OR9Q2: variants seen among roughly 807,000 people sequenced by gnomAD.
The protein encoded by OR9Q2 is olfactory receptor 9Q2.
Under a neutral mutation model 2.3 loss-of-function variants are expected in OR9Q2, and 2 were observed. That is an observed-to-expected ratio of 0.85 (90% CI 0.35 to 2.68). The LOEUF is 2.68. OR9Q2 is among the 30% of genes most tolerant of loss of function. The pLI, the probability that OR9Q2 is intolerant of heterozygous loss-of-function variation, is 0.10. For synonymous variants in OR9Q2, 178 were observed against 158.6 expected (o/e 1.12, Z -0.92); for missense variants, 404 against 395.7 (o/e 1.02, Z -0.18).
At position 58,192,641 on chromosome 11, in the gene OR9Q2, A is replaced by T. The variant is rs1311221361; in HGVS notation, c.*1206A>T. The T allele has an allele frequency of 1.3e-5, 2 of 152,112 alleles. No individual in the cohort carries two copies. The highest frequency in any genetic ancestry group is 3.9e-4 in the East Asian group (2 of 5,192). The allele number at this position is 152,112 out of a possible 1,614,324, so 9.4% of individuals were successfully genotyped here. A position where few individuals can be genotyped will look rare whatever the true frequency, so the allele number is the denominator to read the frequency against. Reference sequence around the variant, plus strand: ...GAAGTGTGTAAACAGCAACTTCTGAATTTGAGGAATGTTTGTTTTAAGGAG... The same window carrying T: ...GAAGTGTGTAAACAGCAACTTCTGATTTTGAGGAATGTTTGTTTTAAGGAG... On this transcript the variant is annotated 3_prime_UTR_variant, in exon 2 of 2. Transcript: ENST00000641291.
chr11:58,190,368 G>A lies in OR9Q2; in HGVS notation c.-123G>A, dbSNP rs1854746103. 1 of 655,964 alleles carries A rather than the reference G, an allele frequency of 1.5e-6. No homozygotes were observed. Among genetic ancestry groups the A allele is most frequent in the East Asian group, 2.6e-5 (1 of 38,178 alleles). The allele number at this position is 655,964 out of a possible 1,614,324, so 40.6% of individuals were successfully genotyped here. On this transcript the variant is annotated 5_prime_UTR_variant, in exon 2 of 2. Coordinates refer to ENST00000641291, the MANE Select transcript of OR9Q2 (RefSeq NM_001005283.3). ...ATCTTCGACTGAAAAGTGTGTTGAA[G>A]TTGAGTGCCGACATGTAAGACATTC...
At chr11:58,189,143 C>G (rs1310592795) in intron 1 of OR9Q2, 35 bp downstream of exon 1, 1 of 152,062 alleles carries the variant, frequency 6.6e-6, no homozygotes, top group Non-Finnish European at 1.5e-5. Context: ...ACACTAGTGT[C>G]AGGGATATAT....
chr11:58,190,441 T>C lies in OR9Q2; in HGVS notation c.-50T>C, dbSNP rs776622199. ...AATCATTTGAACTCCTCTTGAGCTG[T>C]CCCCTCATCTGGCTCTTGTCTTAGC... is the stretch of plus-strand genomic sequence containing the variant. On this transcript the variant is annotated 5_prime_UTR_variant, in exon 2 of 2. Transcript: ENST00000641291. The C allele has an allele frequency of 2.4e-6, 3 of 1,264,050 alleles. No homozygotes were observed. In the Admixed American group the frequency reaches 5.3e-5, roughly 22 times the overall value. 78.3% of individuals were successfully genotyped at this position (1,264,050 alleles called of 1,614,324 possible).
In OR9Q2 at chr11:58,190,407, G is replaced by C; in HGVS notation, c.-84G>C. On this transcript the variant is annotated 5_prime_UTR_variant, in exon 2 of 2. Transcript: ENST00000641291. Reference sequence around the variant, plus strand: ...TGTAAGACATTCAATTTAAAGCTTTGTTACTTGAAATCATTTGAACTCCTC... The same window carrying C: ...TGTAAGACATTCAATTTAAAGCTTTCTTACTTGAAATCATTTGAACTCCTC... The C allele has an allele frequency of 1.1e-6, 1 of 887,770 alleles. No homozygotes were observed. Among genetic ancestry groups the C allele is most frequent in the Non-Finnish European group, 1.8e-6 (1 of 557,850 alleles). 55.0% of individuals were successfully genotyped at this position (887,770 alleles called of 1,614,324 possible).
At chr11:58,189,879 A>T (rs1260010797) in intron 1 of OR9Q2, among the ~76,000 whole-genome samples, 2 of 152,192 alleles carry the variant, frequency 1.3e-5, no homozygotes, top group East Asian at 3.9e-4. Context: ...TCTAATTAGG[A>T]TAACAGCTGT....
chr11:58,189,390 G>A (rs367712760), intron 1 of OR9Q2, among the ~76,000 whole-genome samples: 1 of 152,174 alleles, frequency 6.6e-6, no homozygotes, highest in Non-Finnish European at 1.5e-5. Flanking sequence ...GGCTTGGCAG[G>A]TGATGGGCAG....
rs1854746552 is a variant in OR9Q2 at position 58,190,410 on chromosome 11, A to T, written c.-81A>T. 2 of 902,338 alleles carry T rather than the reference A, an allele frequency of 2.2e-6. No individual in the cohort carries two copies. The highest frequency in any genetic ancestry group is 3.2e-5 in the South Asian group (2 of 63,350). The allele number at this position is 902,338 out of a possible 1,614,324, so 55.9% of individuals were successfully genotyped here. A position where few individuals can be genotyped will look rare whatever the true frequency, so the allele number is the denominator to read the frequency against. On this transcript the variant is annotated 5_prime_UTR_variant, in exon 2 of 2. Transcript: ENST00000641291. ...AAGACATTCAATTTAAAGCTTTGTT[A>T]CTTGAAATCATTTGAACTCCTCTTG...
chr11:58,193,324 T>G lies in OR9Q2; in HGVS notation c.*1889T>G, dbSNP rs539281058. ...AACCTGGACATTTCCAGGAGTCAAG[T>G]TCTCAAATAATTTTTTAACTTAATT... On this transcript the variant is annotated 3_prime_UTR_variant, in exon 2 of 2. Transcript: ENST00000641291. 6.6e-6 allele frequency: 1 copy of G among 152,230 alleles called. No individual in the cohort carries two copies. The allele number at this position is 152,230 out of a possible 1,614,324, so 9.4% of individuals were successfully genotyped here.
chr11:58,190,631 C>T lies in OR9Q2; in HGVS notation c.141C>T (p.Leu47=), dbSNP rs199739969. ...ATMLGNTGMI[L]LIRGDRRLHT... is the part of the protein sequence containing the mutation. ...TGTTAGGGAACACAGGCATGATCCT[C>T]CTGATCCGTGGCGATCGTCGGCTCC... The change falls in exon 2 of 2, where the codon CTC becomes CTT. Residue 47 remains leucine, a synonymous_variant. Transcript: ENST00000641291. 5 of 1,614,168 alleles carry T rather than the reference C, an allele frequency of 3.1e-6. No individual in the cohort carries two copies. The Admixed American group carries it at 8.3e-5, about 27-fold the overall frequency.
rs149010357 is a variant in OR9Q2 at position 58,190,731 on chromosome 11, A to T, written c.241A>T (p.Met81Leu). 72 of 1,614,170 alleles carry T rather than the reference A, an allele frequency of 4.5e-5. No individual in the cohort carries two copies. In the African/African-American group the frequency reaches 8.4e-4, roughly 19 times the overall value. Residue 81 changes from methionine to leucine, a missense_variant, in exon 2 of 2, where the codon ATG becomes TTG. By Grantham distance (15) the Met-to-Leu change is conservative. Transcript: ENST00000641291. The stretch of plus-strand genomic sequence containing the variant: ...CTACTCGTCCGCCATCATCCCTCAG[A>T]TGCTGGCTGTGCTGTGGGAGCACGG... ...ICYSSAIIPQ[M>L]LAVLWEHGTT...
In OR9Q2 at chr11:58,193,878, A is replaced by C. The variant is rs117194858; in HGVS notation, c.*2443A>C. ...GTATTGCCTTCAAAGCCCTTCCAGA[A>C]TATCTCTTGGCTCAGAGTGCTTCAA... On this transcript the variant is annotated 3_prime_UTR_variant, in exon 2 of 2. Coordinates refer to ENST00000641291, the MANE Select transcript of OR9Q2 (RefSeq NM_001005283.3). 6.6e-6 allele frequency: 1 copy of C among 152,166 alleles called. No homozygotes were observed. Among genetic ancestry groups the C allele is most frequent in the Non-Finnish European group, 1.5e-5 (1 of 68,030 alleles). The allele number at this position is 152,166 out of a possible 1,614,324, so 9.4% of individuals were successfully genotyped here.
chr11:58,190,989 T>A lies in OR9Q2; in HGVS notation c.499T>A (p.Ser167Thr). Reference sequence around the variant, plus strand: ...TCGAACGGTCACAGCCTTCACTCTCTCCTTTTGTGGAAACAATGAGATCAA... The same window carrying A: ...TCGAACGGTCACAGCCTTCACTCTCACCTTTTGTGGAAACAATGAGATCAA... ...FVRTVTAFTL[S>T]FCGNNEINFI... Residue 167 changes from serine to threonine, a missense_variant, in exon 2 of 2, where the codon TCC (serine) becomes ACC (threonine). Physicochemically the swap from Ser to Thr is moderately conservative, Grantham distance 58. Coordinates refer to ENST00000641291, the MANE Select transcript of OR9Q2 (RefSeq NM_001005283.3). The A allele has an allele frequency of 6.2e-7, 1 of 1,614,192 alleles. No individual in the cohort carries two copies. Among genetic ancestry groups the A allele is most frequent in the Non-Finnish European group, 8.5e-7 (1 of 1,180,026 alleles).
rs777491426 is a variant in OR9Q2, at chr11:58,190,932, G to A, written c.442G>A (p.Ala148Thr). Residue 148 changes from alanine (A) to threonine (T), a missense_variant, in exon 2 of 2, where the codon GCT becomes ACT. Ala to Thr is a moderately conservative substitution (Grantham distance 58, BLOSUM62 0). Transcript: ENST00000641291. ...EKARWGLVTG[A>T]YVAGFFSAFV... ...GGCCCGCTGGGGCCTAGTCACTGGG[G>A]CTTACGTTGCTGGTTTTTTCAGTGC... The A allele has an allele frequency of 6.2e-7, 1 of 1,614,218 alleles. No homozygotes were observed. Among genetic ancestry groups the A allele is most frequent in the Non-Finnish European group, 8.5e-7 (1 of 1,180,038 alleles).
At position 58,191,226 on chromosome 11, in the gene OR9Q2, A is replaced by G. The variant is rs554668816; in HGVS notation, c.736A>G (p.Thr246Ala). 186 of 1,613,752 alleles carry G rather than the reference A, an allele frequency of 1.2e-4. 4 individuals carry two copies. The South Asian group carries it at 1.3e-3, about 12-fold the overall frequency. Residue 246 changes from threonine (T) to alanine (A), a missense_variant, in exon 2 of 2, where the codon ACT (threonine) becomes GCT (alanine). Coordinates refer to ENST00000641291, the MANE Select transcript of OR9Q2 (RefSeq NM_001005283.3). Reference sequence around the variant, plus strand: ...CTTCTCCACCTGCGCCTCCCACCTCACTGCCGTCGCTCTTTTCTTTGGCAC... The same window carrying G: ...CTTCTCCACCTGCGCCTCCCACCTCGCTGCCGTCGCTCTTTTCTTTGGCAC... ...KTFSTCASHL[T>A]AVALFFGTLI... is the part of the protein sequence containing the mutation.
In OR9Q2 at chr11:58,189,094, T is replaced by A. The variant is rs1854734578; in HGVS notation, c.-187T>A. ...TCAGGGAGAAAGGCTGGTCCCCTAG[T>A]CTTGTTATCTCAAAGTAAGTCTAGA... is the stretch of plus-strand genomic sequence containing the variant. On this transcript the variant is annotated 5_prime_UTR_variant, in exon 1 of 2. Coordinates refer to ENST00000641291, the MANE Select transcript of OR9Q2 (RefSeq NM_001005283.3). 1 of 152,130 alleles carries A rather than the reference T, an allele frequency of 6.6e-6. No homozygotes were observed. Among genetic ancestry groups the A allele is most frequent in the Non-Finnish European group, 1.5e-5 (1 of 68,030 alleles). 9.4% of individuals were successfully genotyped at this position (152,130 alleles called of 1,614,324 possible). A position where few individuals can be genotyped will look rare whatever the true frequency, so the allele number is the denominator to read the frequency against.
rs750696981 is a variant in OR9Q2, at chr11:58,190,513, TAGTGACGG to T, written c.27_34del (p.Thr10LeufsTer7). The T allele has an allele frequency of 6.2e-7, 1 of 1,613,888 alleles. No homozygotes were observed. The highest frequency in any genetic ancestry group is 1.3e-5 in the African/African-American group (1 of 75,046). On this transcript the variant is annotated frameshift_variant, in exon 2 of 2. Transcript: ENST00000641291. LOFTEE classifies it low-confidence loss of function (END_TRUNC). ...TGGATGGCTGAAAGGAATTACACCG[TAGTGACGG>T]AGTTCTTCCTTACTGCATTTACTGA...
chr11:58,190,962 G>C lies in OR9Q2; in HGVS notation c.472G>C (p.Val158Leu). ...AYVAGFFSAF[V>L]RTVTAFTLSF... ...CGTTGCTGGTTTTTTCAGTGCCTTT[G>C]TTCGAACGGTCACAGCCTTCACTCT... Residue 158 changes from valine (V) to leucine (L), a missense_variant, in exon 2 of 2, where the codon GTT (valine) becomes CTT (leucine). Transcript: ENST00000641291. The C allele has an allele frequency of 1.2e-6, 2 of 1,614,200 alleles. No individual in the cohort carries two copies.
chr11:58,190,071 T>C (rs1340150103), intron 1 of OR9Q2, among the ~76,000 whole-genome samples: 1 of 152,230 alleles, frequency 6.6e-6, no homozygotes, highest in Admixed American at 6.5e-5. Flanking sequence ...GCTTTTAGCT[T>C]TCCAATGTGC....
At position 58,191,641 on chromosome 11, in the gene OR9Q2, C is replaced by A; in HGVS notation, c.*206C>A. 2.2e-6 allele frequency: 1 copy of A among 449,336 alleles called. No homozygotes were observed. The highest frequency in any genetic ancestry group is 3.7e-5 in the Admixed American group (1 of 26,778). 27.8% of individuals were successfully genotyped at this position (449,336 alleles called of 1,614,324 possible). On this transcript the variant is annotated 3_prime_UTR_variant, in exon 2 of 2. Transcript: ENST00000641291. ...TATATGTGTTTGACATTTTCTAATGCTCACAACTAGAAAGTAAGCAACATG... is the reference window on the plus strand; with the variant it reads ...TATATGTGTTTGACATTTTCTAATGATCACAACTAGAAAGTAAGCAACATG...
Sources: gnomAD v4.1 joint callset for allele counts (sites outside exome capture counted in the v4.1 genomes callset) on GRCh38, gnomAD v4.1.1 for gene constraint, MANE v1.5 for transcripts, NCBI Gene and HGNC (gene_info 2026-07-23, HGNC 2026-07-21) for gene names.